GRIP1: variants seen among roughly 807,000 people sequenced by gnomAD.
The protein encoded by GRIP1 is glutamate receptor interacting protein 1.
GRIP1 carries 45 observed loss-of-function variants against 129.9 expected under a neutral mutation model. The ratio of observed to expected loss-of-function variants is 0.35; its 90% CI spans 0.27 to 0.44. The LOEUF (loss-of-function observed/expected upper bound fraction) is 0.44, where lower values mean the gene tolerates loss of function less well. Ranked by LOEUF, GRIP1 falls within the 20% of genes least tolerant of loss-of-function variation. The pLI, the probability that GRIP1 is intolerant of heterozygous loss-of-function variation, is 1.00. For synonymous variants in GRIP1, 530 were observed against 520.8 expected, an observed-to-expected ratio of 1.02 and a Z score of -0.24; for missense variants, 1,196 against 1,396.8, an observed-to-expected ratio of 0.86 and a Z score of 2.29.
intron 1 of GRIP1, among the ~76,000 whole-genome samples, chr12:66,902,462 C>G (rs1020124356): frequency 6.6e-6 from 1 of 152,118 alleles, no homozygotes; most frequent in Non-Finnish European, 1.5e-5. Flanking sequence ...TGAACACCAC[C>G]AGCTTCAAAT....
chr12:66,763,904 G>C (rs79473077), intron 1 of GRIP1, among the ~76,000 whole-genome samples: 2 of 152,194 alleles, frequency 1.3e-5, no homozygotes, highest in African/African-American at 2.4e-5. Context: ...CTTCCCACTT[G>C]TATTCAAGTG....
chr12:66,977,150 T>C (rs2042164406), intron 1 of GRIP1, among the ~76,000 whole-genome samples: 1 of 151,914 alleles, frequency 6.6e-6, no homozygotes, highest in Non-Finnish European at 1.5e-5. Flanking sequence ...TGAAAGTATA[T>C]ATATAAACAT....
intron 1 of GRIP1, among the ~76,000 whole-genome samples, chr12:66,765,822 T>A (rs920278188): frequency 3.9e-5 from 6 of 152,208 alleles, no homozygotes; most frequent in African/African-American, 1.4e-4. Flanking sequence ...GAAAGAAATA[T>A]ACACTAGATT....
intron 1 of GRIP1, among the ~76,000 whole-genome samples, chr12:66,637,678 C>A (rs1246779009): frequency 1.3e-5 from 2 of 151,868 alleles, no homozygotes; most frequent in African/African-American, 4.8e-5. Context: ...CCGCTGGGAG[C>A]CAATTTTCCA....
intron 1 of GRIP1, among the ~76,000 whole-genome samples, chr12:66,930,424 A>C (rs1163522608): frequency 6.6e-6 from 1 of 150,848 alleles, no homozygotes; most frequent in Non-Finnish European, 1.5e-5. Context: ...TGTCCCTACA[A>C]AGGACATGAA....
At chr12:66,451,384 T>G (rs113292024) in intron 11 of GRIP1, among the ~76,000 whole-genome samples, 6,940 of 34,188 alleles carry the variant, frequency 0.2, 431 homozygotes, top group Middle Eastern at 0.26. Context: ...TTATAATCTG[T>G]TTTTTTTTTT....
intron 15 of GRIP1, among the ~76,000 whole-genome samples, chr12:66,407,673 A>G (rs190644807): frequency 3.1e-4 from 47 of 152,280 alleles, no homozygotes; most frequent in African/African-American, 9.9e-4. Context: ...GAGGGGAATC[A>G]CCCATTCCGG....
chr12:66,595,814 T>C (rs1301913978), intron 2 of GRIP1, among the ~76,000 whole-genome samples: 1 of 152,192 alleles, frequency 6.6e-6, no homozygotes, highest in Non-Finnish European at 1.5e-5. Flanking sequence ...AATCTGAGCC[T>C]TTGGAATAAG....
chr12:66,987,532 C>T (rs927278686), intron 1 of GRIP1, among the ~76,000 whole-genome samples: 11 of 152,158 alleles, frequency 7.2e-5, no homozygotes, highest in Admixed American at 2.0e-4. Context: ...AGTGTCTCCC[C>T]TTACAAATGT....
intron 13 of GRIP1, among the ~76,000 whole-genome samples, chr12:66,438,577 C>T (rs1315143487): frequency 6.6e-6 from 1 of 151,224 alleles, no homozygotes; most frequent in East Asian, 2.0e-4. Context: ...CTCACTGCAA[C>T]CTCCACCTCC....
chr12:66,662,165 C>T (rs1379321435), intron 1 of GRIP1, among the ~76,000 whole-genome samples: 2 of 152,070 alleles, frequency 1.3e-5, no homozygotes, highest in East Asian at 3.9e-4. Flanking sequence ...TGAGAAAGAC[C>T]GAGATTTACT....
intron 1 of GRIP1, among the ~76,000 whole-genome samples, chr12:66,962,460 T>C (rs2137538448): frequency 6.6e-6 from 1 of 152,226 alleles, no homozygotes; most frequent in South Asian, 2.1e-4. Context: ...CGTGCCTGTC[T>C]TATTGCTAAA....
Position 66,632,376 on chromosome 12 carries a change from C to T in GRIP1, c.56-35449G>A, listed in dbSNP as rs371464834. On this transcript the variant is annotated intron_variant, in intron 1 of 24. Transcript: ENST00000359742. ...AGCCCTTGGAGCTCTCAGCAACAAC[C>T]CCTCTCTATCTTTACATCAGGGATG... is the stretch of plus-strand genomic sequence containing the variant. Among the ~76,000 whole-genome samples the T allele has an allele frequency of 2.8e-4, 42 of 152,222 alleles. 1 individual carries two copies. Among genetic ancestry groups the T allele is most frequent in the African/African-American group, 9.4e-4 (39 of 41,542 alleles).
chr12:66,903,531 T>G (rs1279932256), intron 1 of GRIP1, among the ~76,000 whole-genome samples: 1 of 152,076 alleles, frequency 6.6e-6, no homozygotes, highest in Non-Finnish European at 1.5e-5. Context: ...AAAAAAAATA[T>G]TGTGAGCTTT....
chr12:66,426,439 C>A (rs2057989897), intron 14 of GRIP1, among the ~76,000 whole-genome samples: 1 of 151,176 alleles, frequency 6.6e-6, no homozygotes, highest in East Asian at 1.9e-4. Context: ...CACTTTTTTC[C>A]CCCTCTGAAT....
intron 1 of GRIP1, among the ~76,000 whole-genome samples, chr12:66,662,872 A>G (rs1288594562): frequency 6.6e-6 from 1 of 152,094 alleles, no homozygotes. Flanking sequence ...TGTCATGTTC[A>G]CTGATCTTTT....
intron 24 of GRIP1, among the ~76,000 whole-genome samples, chr12:66,351,562 T>TTTTTC (rs1303901404): frequency 4.0e-5 from 2 of 50,318 alleles, no homozygotes; most frequent in African/African-American, 1.2e-4. Context: ...GGTGGTTTTT[T>TTTTTC]TTTTTTTTTT....
intron 1 of GRIP1, among the ~76,000 whole-genome samples, chr12:66,745,562 A>G (rs2036918421): frequency 6.6e-6 from 1 of 152,196 alleles, no homozygotes; most frequent in African/African-American, 2.4e-5. Context: ...AAAGACTACA[A>G]TAGAAGATAA....
chr12:66,759,120 A>C (rs948730469), intron 1 of GRIP1, among the ~76,000 whole-genome samples: 2 of 152,218 alleles, frequency 1.3e-5, no homozygotes, highest in African/African-American at 4.8e-5. Flanking sequence ...CCCCTGCAGC[A>C]AACTTTTGCC....
Sources: allele counts gnomAD v4.1 joint callset (sites outside exome capture counted in the v4.1 genomes callset), GRCh38; gene constraint gnomAD v4.1.1; transcripts MANE v1.5; gene names NCBI Gene and HGNC (gene_info 2026-07-23, HGNC 2026-07-21).